Variants in PHACTR2 observed in about 807,000 individuals in gnomAD.
PHACTR2 encodes phosphatase and actin regulator 2, also known as chromosome 6 open reading frame 56.
Under a neutral mutation model 76.0 loss-of-function variants are expected in PHACTR2, and 30 were observed. The ratio of observed to expected loss-of-function variants is 0.39; its 90% confidence interval spans 0.30 to 0.54. PHACTR2 has a LOEUF of 0.54. Ranked by LOEUF, PHACTR2 falls within the 20% of genes least tolerant of loss-of-function variation. The probability of loss-of-function intolerance (pLI) is 0.61; values close to 1 mark genes in which losing one functional copy is unlikely to be tolerated. For missense variants in PHACTR2, 696 were observed against 781.1 expected (o/e 0.89, Z 1.30); for synonymous variants, 292 against 292.5 (o/e 1.00, Z 0.02).
rs1775670728 is a variant in PHACTR2 at position 143,589,858 on chromosome 6, CTCA to C, written c.217+52653_217+52655del. Among the ~76,000 whole-genome samples, 1 of 152,190 alleles carries C rather than the reference CTCA, an allele frequency of 6.6e-6. No individual in the cohort carries two copies. The highest frequency in any genetic ancestry group is 1.5e-5 in the Non-Finnish European group (1 of 68,038). ...TAGAAGATGACGATACACATCCCAG[CTCA>C]TTCTAGAACCAGGCAAGGATAATAG... On this transcript the variant is annotated intron_variant, in intron 1 of 11. Coordinates refer to the PHACTR2 transcript ENST00000367584. The surrounding 1 kb of genome is among the most constrained non-coding windows in gnomAD (Gnocchi z 4.4).
Position 143,671,876 on chromosome 6 carries a change from A to C in PHACTR2, c.14-40140A>C, listed in dbSNP as rs1233931710. Among the ~76,000 whole-genome samples the C allele has an allele frequency of 2.0e-5, 3 of 152,254 alleles. No homozygotes were observed. The highest frequency in any genetic ancestry group is 2.9e-5 in the Non-Finnish European group (2 of 68,048). ...TAAACAAACTTTTGTATAGCCATAC[A>C]ATGGAAGGCAACCTAGAACAAAAAG... On this transcript the variant is annotated intron_variant, in intron 1 of 11. Transcript: ENST00000305766. The surrounding 1 kb of genome is among the most constrained non-coding windows in gnomAD (Gnocchi z 4.6).
intron 1 of PHACTR2, among the ~76,000 whole-genome samples, chr6:143,661,106 A>T (rs979880806): frequency 6.6e-6 from 1 of 152,240 alleles, no homozygotes; most frequent in Non-Finnish European, 1.5e-5. Context: ...AAATATTCAT[A>T]AAAAATTCAT....
chr6:143,712,025 T>A lies in PHACTR2; in HGVS notation c.56T>A (p.Leu19Gln). 6.3e-7 allele frequency: 1 copy of A among 1,590,118 alleles called. No homozygotes were observed. The highest frequency in any genetic ancestry group is 8.5e-7 in the Non-Finnish European group (1 of 1,169,968). The change falls in exon 2 of 13, where the codon CTG becomes CAG. Residue 19 changes from leucine to glutamine, a missense_variant. Transcript: ENST00000440869. ...ATCTTTCTTTATACAGTTGACGGAC[T>A]GGACAAAGCTTCTATAGCAAACTCA... ...LSPQPGSVDG[L>Q]DKASIANSDG... is the part of the protein sequence containing the mutation.
intron 1 of PHACTR2, among the ~76,000 whole-genome samples, chr6:143,686,635 G>A (rs1365761758): frequency 6.6e-6 from 1 of 151,920 alleles, no homozygotes; most frequent in Admixed American, 6.6e-5. Context: ...TTACAGGCGT[G>A]AGCCACCATG....
At chr6:143,545,576 T>C (rs562767269) in intron 1 of PHACTR2, among the ~76,000 whole-genome samples, 4 of 152,262 alleles carry the variant, frequency 2.6e-5, no homozygotes, top group African/African-American at 9.6e-5. Flanking sequence ...TTTTTTCAGG[T>C]AAGGAACCTG....
Position 143,777,434 on chromosome 6 carries a change from G to C in PHACTR2, c.1645+51G>C. 1.1e-6 allele frequency: 1 copy of C among 945,590 alleles called. No homozygotes were observed. The highest frequency in any genetic ancestry group is 1.6e-6 in the Non-Finnish European group (1 of 612,570). The allele number at this position is 945,590 out of a possible 1,614,324, so 58.6% of individuals were successfully genotyped here. ...TTCCTTGTGTAATCGCTAACAAGCTGCCTCTACAGATGATCGATTTATCAG... is the reference window on the plus strand; with the variant it reads ...TTCCTTGTGTAATCGCTAACAAGCTCCCTCTACAGATGATCGATTTATCAG... On this transcript the variant is annotated intron_variant, in intron 9 of 12. Coordinates refer to ENST00000440869, the MANE Select transcript of PHACTR2 (RefSeq NM_001100164.2). This position sits in a 1 kb window ranked among gnomAD's most constrained non-coding sequence, Gnocchi z 4.6.
intron 1 of PHACTR2, among the ~76,000 whole-genome samples, chr6:143,626,510 CTGGGCAGCAG>C (rs1350265097): frequency 2.9e-5 from 4 of 139,190 alleles, no homozygotes. Context: ...GCAGTCCATC[CTGGGCAGCAG>C]AGCGAGACTC....
At position 143,541,733 on chromosome 6, in the gene PHACTR2, A is replaced by T. The variant is rs1418669352; in HGVS notation, c.217+4526A>T. On this transcript the variant is annotated intron_variant, in intron 1 of 11. Transcript: ENST00000367584. This position sits in a 1 kb window ranked among gnomAD's most constrained non-coding sequence, Gnocchi z 5.3. Reference sequence around the variant, plus strand: ...ATACCTCAATGTACTATCAGTTCATATGCACTGCTTCCTGGCCACTTCCAT... The same window carrying T: ...ATACCTCAATGTACTATCAGTTCATTTGCACTGCTTCCTGGCCACTTCCAT... 6.6e-6 allele frequency among the ~76,000 whole-genome samples: 1 copy of T among 152,208 alleles called. No homozygotes were observed. Among genetic ancestry groups the T allele is most frequent in the Non-Finnish European group, 1.5e-5 (1 of 68,040 alleles).
intron 2 of PHACTR2, among the ~76,000 whole-genome samples, chr6:143,726,403 C>T (rs945238346): frequency 1.2e-4 from 19 of 152,164 alleles, no homozygotes; most frequent in African/African-American, 4.3e-4. Context: ...TCCTGCAGAA[C>T]TGAAACTCTA....
upstream of PHACTR2, among the ~76,000 whole-genome samples, chr6:143,605,197 G>A (rs144550047): frequency 1.4e-3 from 214 of 152,128 alleles, 1 homozygote; most frequent in African/African-American, 4.5e-3. This position sits in a 1 kb window ranked among gnomAD's most constrained non-coding sequence, Gnocchi z 5.0. Flanking sequence ...GAGGGTACTT[G>A]GATGCAGGTG....
At chr6:143,566,696 T>C (rs1335610503) in intron 1 of PHACTR2, among the ~76,000 whole-genome samples, 2 of 151,968 alleles carry the variant, frequency 1.3e-5, no homozygotes, top group Admixed American at 6.6e-5. Context: ...TACTAACTCA[T>C]AGTCAAAATT....
chr6:143,765,390 C>T lies in PHACTR2; in HGVS notation c.824C>T (p.Thr275Ile). ...AGCAAAGCAGGGACAGTGGGGACCA[C>T]CAAGGGCAAGAGAAAAACTGACAAG... ...VSSKAGTVGT[T>I]KGKRKTDKQP... is the part of the protein sequence containing the mutation. The change falls in exon 6 of 13, where the codon ACC becomes ATC. Residue 275 changes from threonine (T) to isoleucine (I), a missense_variant. Thr to Ile is a moderately conservative substitution (Grantham distance 89). Around this residue, in one of 2 missense-constraint regions of PHACTR2, gnomAD observed 460 missense variants for 450.9 expected, o/e 1.02. Coordinates refer to ENST00000440869, the MANE Select transcript of PHACTR2 (RefSeq NM_001100164.2). This position sits in a 1 kb window ranked among gnomAD's most constrained non-coding sequence, Gnocchi z 4.1. The T allele has an allele frequency of 1.2e-6, 2 of 1,614,210 alleles. No homozygotes were observed. Among genetic ancestry groups the T allele is most frequent in the Non-Finnish European group, 1.7e-6 (2 of 1,180,042 alleles).
Position 143,597,858 on chromosome 6 carries a change from T to C in PHACTR2, c.217+60651T>C, listed in dbSNP as rs1418819420. On this transcript the variant is annotated intron_variant, in intron 1 of 11. Coordinates refer to the PHACTR2 transcript ENST00000367584. The surrounding 1 kb of genome is among the most constrained non-coding windows in gnomAD (Gnocchi z 5.7). ...TTTTATCCTGAGAAATTCTCTTTCA[T>C]TACCTGCTCAAAGCCCATTGCTGGT... 6.6e-6 allele frequency among the ~76,000 whole-genome samples: 1 copy of C among 152,200 alleles called. No individual in the cohort carries two copies. The highest frequency in any genetic ancestry group is 1.5e-5 in the Non-Finnish European group (1 of 68,030).
intron 1 of PHACTR2, among the ~76,000 whole-genome samples, chr6:143,666,852 C>A (rs1276406897): frequency 6.6e-6 from 1 of 152,208 alleles, no homozygotes; most frequent in African/African-American, 2.4e-5. Context: ...CTGAGAGTTT[C>A]TTTCGCTGTG....
rs1002564929 is a variant in PHACTR2 at position 143,730,378 on chromosome 6, A to G, written c.214+18195A>G. On this transcript the variant is annotated intron_variant, in intron 2 of 12. Transcript: ENST00000440869. This position sits in a 1 kb window ranked among gnomAD's most constrained non-coding sequence, Gnocchi z 4.8. ...TTAGCTTTTGAAGTTTTTAGAAAAC[A>G]GTTAATAAGTTTATACTTCAGTATT... Among the ~76,000 whole-genome samples the G allele has an allele frequency of 6.6e-6, 1 of 152,168 alleles. No homozygotes were observed.
intron 1 of PHACTR2, among the ~76,000 whole-genome samples, chr6:143,609,213 C>G (rs1582696408): frequency 6.6e-6 from 1 of 152,170 alleles, no homozygotes; most frequent in African/African-American, 2.4e-5. Context: ...ACAAGACCAC[C>G]CATTGATGGT....
rs1001108465 is a variant in PHACTR2 at position 143,776,585 on chromosome 6, T to C, written c.1590-743T>C. ...CTGTTGCTAGAAGGAAAGGAGACTG[T>C]GTAATGGGGGTCAGTGAGCAGCCTC... On this transcript the variant is annotated intron_variant, in intron 8 of 12. Coordinates refer to ENST00000440869, the MANE Select transcript of PHACTR2 (RefSeq NM_001100164.2). The surrounding 1 kb of genome is among the most constrained non-coding windows in gnomAD (Gnocchi z 5.3). Among the ~76,000 whole-genome samples, 9 of 151,976 alleles carry C rather than the reference T, an allele frequency of 5.9e-5. No individual in the cohort carries two copies. The highest frequency in any genetic ancestry group is 1.3e-4 in the Admixed American group (2 of 15,266).
intron 1 of PHACTR2, among the ~76,000 whole-genome samples, chr6:143,628,181 C>A (rs9390124): frequency 0.085 from 13,009 of 152,204 alleles, 579 homozygotes; most frequent in East Asian, 0.15. Context: ...CGTTTTGTTT[C>A]TCTATTCATT....
rs567309828 is a variant in PHACTR2 at position 143,742,682 on chromosome 6, T to G, written c.215-6303T>G. ...CAAAGGAAAAATGTCAGGAAGGCCA[T>G]TTCTAAAAGAAGTAGAAGAGGATGC... On this transcript the variant is annotated intron_variant, in intron 2 of 12. Transcript: ENST00000440869. The surrounding 1 kb of genome is among the most constrained non-coding windows in gnomAD (Gnocchi z 4.5). Among the ~76,000 whole-genome samples the G allele has an allele frequency of 5.5e-4, 84 of 152,300 alleles. No homozygotes were observed. The highest frequency in any genetic ancestry group is 1.9e-3 in the African/African-American group (81 of 41,576).
Sources: gnomAD v4.1 joint callset for allele counts (sites outside exome capture counted in the v4.1 genomes callset) on GRCh38, gnomAD v4.1.1 for gene constraint, gnomAD v4.1.1 regional missense constraint, Gnocchi (gnomAD v3.1) non-coding constraint, MANE v1.5 for transcripts, NCBI Gene and HGNC (gene_info 2026-07-23, HGNC 2026-07-21) for gene names.